The following TENM2 variants were observed in gnomAD, a reference collection of about 807,000 sequenced individuals.
The protein encoded by TENM2 is teneurin transmembrane protein 2, also known as teneurin-2.
In TENM2, 52 loss-of-function variants were observed where a neutral mutation model predicts 245.2. The ratio of observed to expected loss-of-function variants is 0.21; its 90% CI spans 0.17 to 0.27. The LOEUF is 0.27. Ranked by LOEUF, TENM2 falls within the 10% of genes least tolerant of loss-of-function variation. The probability of loss-of-function intolerance (pLI) is 1.00; values close to 1 mark genes in which losing one functional copy is unlikely to be tolerated. For synonymous variants in TENM2, 1,363 were observed against 1,438.9 expected (o/e 0.95, Z 1.19); for missense variants, 3,046 against 3,666.8 (o/e 0.83, Z 4.37).
intron 5 of TENM2, among the ~76,000 whole-genome samples, chr5:168,028,616 C>T (rs973752649): frequency 1.3e-5 from 2 of 152,120 alleles, no homozygotes; most frequent in African/African-American, 4.8e-5. Context: ...AATGAAAATG[C>T]TTTTAATATA....
intron 1 of TENM2, among the ~76,000 whole-genome samples, chr5:167,317,698 A>G (rs189843409): frequency 1.8e-3 from 279 of 152,250 alleles, no homozygotes; most frequent in Non-Finnish European, 2.7e-3. Flanking sequence ...AGCTGAAACC[A>G]CAGGTAAAAT....
At chr5:167,060,000 G>A in the TENM2 span, among the ~76,000 whole-genome samples, 2 of 152,078 alleles carry the variant, frequency 1.3e-5, no homozygotes, top group South Asian at 2.1e-4. Context: ...ACCGTGCCCA[G>A]CCAGAATAAG....
At chr5:167,868,932 C>T (rs1253252174) in intron 2 of TENM2, among the ~76,000 whole-genome samples, 3 of 152,136 alleles carry the variant, frequency 2.0e-5, no homozygotes, top group Non-Finnish European at 4.4e-5. Context: ...TACTGTCTGT[C>T]AAACACTGTT....
chr5:167,904,656 A>AT (rs1441064608), intron 3 of TENM2, among the ~76,000 whole-genome samples: 3 of 151,934 alleles, frequency 2.0e-5, no homozygotes, highest in African/African-American at 7.3e-5. Flanking sequence ...CTTTTTATTT[A>AT]TTTTTTCTCA....
chr5:167,615,478 G>T (rs534011307), intron 2 of TENM2, among the ~76,000 whole-genome samples: 2 of 152,170 alleles, frequency 1.3e-5, no homozygotes, highest in East Asian at 3.9e-4. Context: ...TTTGTTAGTT[G>T]TTATTTATTG....
At chr5:166,994,466 A>G in the TENM2 span, among the ~76,000 whole-genome samples, 1 of 151,928 alleles carries the variant, frequency 6.6e-6, no homozygotes, top group East Asian at 1.9e-4. Context: ...TCATAGATCT[A>G]CTCTGTAGGT....
At chr5:168,051,369 A>G (rs1228877380) in intron 6 of TENM2, among the ~76,000 whole-genome samples, 2 of 152,170 alleles carry the variant, frequency 1.3e-5, no homozygotes, top group South Asian at 2.1e-4. Flanking sequence ...GTCTATGGCT[A>G]CTTTCAGAAT....
intron 2 of TENM2, among the ~76,000 whole-genome samples, chr5:167,496,017 C>G (rs1768794391): frequency 6.6e-6 from 1 of 151,908 alleles, no homozygotes; most frequent in African/African-American, 2.4e-5. Context: ...AAGAAAATTC[C>G]TAGTGCAAGC....
At chr5:167,554,772 T>C (rs1224299452) in intron 2 of TENM2, among the ~76,000 whole-genome samples, 1 of 152,086 alleles carries the variant, frequency 6.6e-6, no homozygotes, top group Non-Finnish European at 1.5e-5. Flanking sequence ...ACTATCAGTG[T>C]GACCAAGAAG....
chr5:167,667,478 ATCAG>A (rs1755650950), intron 2 of TENM2, among the ~76,000 whole-genome samples: 1 of 152,200 alleles, frequency 6.6e-6, no homozygotes, highest in African/African-American at 2.4e-5. Flanking sequence ...CAGTCCACCC[ATCAG>A]TCAATCAACC....
At chr5:168,011,558 T>C (rs1020141474) in intron 5 of TENM2, among the ~76,000 whole-genome samples, 1 of 152,248 alleles carries the variant, frequency 6.6e-6, no homozygotes, top group Non-Finnish European at 1.5e-5. Context: ...TTTTCTTTTT[T>C]ACCACTTGAA....
At chr5:167,371,312 G>A (rs1376584074) in intron 1 of TENM2, among the ~76,000 whole-genome samples, 1 of 150,182 alleles carries the variant, frequency 6.7e-6, no homozygotes, top group Non-Finnish European at 1.5e-5. Context: ...CTTGCACCAC[G>A]ATGTGACCTC....
chr5:168,226,542 C>G (rs1347231810), intron 24 of TENM2, among the ~76,000 whole-genome samples: 1 of 152,166 alleles, frequency 6.6e-6, no homozygotes, highest in Non-Finnish European at 1.5e-5. Flanking sequence ...CCACCCGCCC[C>G]CCACATACTC....
intron 2 of TENM2, among the ~76,000 whole-genome samples, chr5:167,620,335 C>G (rs1243265729): frequency 6.6e-6 from 1 of 152,114 alleles, no homozygotes. Context: ...TATCCCTTTT[C>G]AGTAGAAGTC....
intron 19 of TENM2, among the ~76,000 whole-genome samples, chr5:168,209,622 A>G (rs1025213990): frequency 8.5e-5 from 13 of 152,220 alleles, no homozygotes; most frequent in Admixed American, 8.5e-4. Context: ...GCACAGAGAG[A>G]GTTGGAATGA....
intron 2 of TENM2, among the ~76,000 whole-genome samples, chr5:167,772,422 A>G (rs986922451): frequency 2.6e-5 from 4 of 152,110 alleles, no homozygotes; most frequent in Non-Finnish European, 5.9e-5. Context: ...CATCACACTT[A>G]TGGCTTGATT....
At position 167,728,305 on chromosome 5, in the gene TENM2, T is replaced by G. The variant is rs139711752; in HGVS notation, c.503-147681T>G. ...CAAGTATTAGATAAGTCTCCCTAAT[T>G]TTAAATGGAATGGCTGGCCAGGCAT... On this transcript the variant is annotated intron_variant, in intron 2 of 28. Transcript: ENST00000518659. 3.9e-5 allele frequency among the ~76,000 whole-genome samples: 6 copies of G among 152,056 alleles called. No homozygotes were observed. In the East Asian group the frequency reaches 1.2e-3, roughly 29 times the overall value.
chr5:167,118,013 A>G, the TENM2 span, among the ~76,000 whole-genome samples: 1 of 152,206 alleles, frequency 6.6e-6, no homozygotes, highest in Non-Finnish European at 1.5e-5. Flanking sequence ...AAGCCTCTAT[A>G]CACTTCTTTC....
Position 168,244,597 on chromosome 5 carries a change from C to T in TENM2, c.5698C>T (p.Arg1900Cys), listed in dbSNP as rs781259756. 7.5e-6 allele frequency: 12 copies of T among 1,606,144 alleles called. No individual in the cohort carries two copies. The highest frequency in any genetic ancestry group is 2.2e-5 in the East Asian group (1 of 44,602). Residue 1900 changes from arginine to cysteine, a missense_variant, in exon 26 of 29, where the codon CGC (arginine) becomes TGC (cysteine). By Grantham distance (180) the Arg-to-Cys change is radical. This residue lies in a region of TENM2 where 2,704 missense variants were observed against 3,331.9 expected (regional missense o/e 0.81). Transcript: ENST00000518659. This position sits in a 1 kb window ranked among gnomAD's most constrained non-coding sequence, Gnocchi z 4.9. The stretch of plus-strand genomic sequence containing the variant: ...CAACGTGTCATACTTCTTCAATGGG[C>T]GCCTGGCTGGGCTTCAGCGTGGGGC...
Sources: allele counts gnomAD v4.1 joint callset (sites outside exome capture counted in the v4.1 genomes callset), GRCh38; gene constraint gnomAD v4.1.1; regional missense constraint gnomAD v4.1.1; non-coding constraint Gnocchi (gnomAD v3.1); transcripts MANE v1.5; gene names NCBI Gene and HGNC (gene_info 2026-07-23, HGNC 2026-07-21).